LTBP2: variants seen among roughly 807,000 people sequenced by gnomAD.
The protein encoded by LTBP2 is latent transforming growth factor beta binding protein 2, also known as latent-transforming growth factor beta-binding protein 2.
Under a neutral mutation model 210.6 loss-of-function variants are expected in LTBP2, and 103 were observed. The ratio of observed to expected loss-of-function variants is 0.49; its 90% CI spans 0.42 to 0.58. LTBP2 has a LOEUF of 0.58. Among genes scored for constraint, LTBP2 ranks in the 20% least tolerant of loss-of-function variants. LTBP2 has a pLI of 0.00. For synonymous variants in LTBP2, 1,007 were observed against 1,015.0 expected (o/e 0.99, Z 0.15); for missense variants, 2,313 against 2,494.5 (o/e 0.93, Z 1.55).
chr14:74,560,557 G>A (rs28627652), intron 3 of LTBP2, among the ~76,000 whole-genome samples: 12,718 of 152,222 alleles, frequency 0.084, 674 homozygotes, highest in African/African-American at 0.16. Context: ...TCCCAACAGC[G>A]ATGGGAAGAC....
intron 28 of LTBP2, 76 bp from the exon 29 acceptor site, chr14:74,505,250 T>A: frequency 6.6e-7 from 1 of 1,505,426 alleles, no homozygotes; most frequent in Non-Finnish European, 9.1e-7. Context: ...CTTTATTTCT[T>A]AAATTTAACA....
chr14:74,531,024 C>T (rs2087343472), intron 10 of LTBP2, among the ~76,000 whole-genome samples: 1 of 152,230 alleles, frequency 6.6e-6, no homozygotes, highest in African/African-American at 2.4e-5. Context: ...GCAAACTCTG[C>T]TTCTAGCAGC....
At position 74,503,548 on chromosome 14, in the gene LTBP2, G is replaced by A. The variant is rs1035123987; in HGVS notation, c.4641C>T (p.Gly1547=). The part of the protein sequence containing the change: ...CENGECVNTE[G]SFHCFCSPPL... Reference sequence around the variant, plus strand: ...GGGGGCTGCAGAAGCAGTGGAAGGAGCCCTCCGTGTTGACGCACTCGCCAT... The same window carrying A: ...GGGGGCTGCAGAAGCAGTGGAAGGAACCCTCCGTGTTGACGCACTCGCCAT... Residue 1547 remains glycine, a synonymous_variant, in exon 32 of 36, where the codon GGC becomes GGT. Coordinates refer to ENST00000261978, the MANE Select transcript of LTBP2 (RefSeq NM_000428.3). The A allele has an allele frequency of 2.5e-6, 4 of 1,613,844 alleles. No homozygotes were observed. Among genetic ancestry groups the A allele is most frequent in the South Asian group, 2.2e-5 (2 of 91,036 alleles).
intron 3 of LTBP2, among the ~76,000 whole-genome samples, chr14:74,565,747 G>A (rs1156470204): frequency 6.6e-6 from 1 of 152,116 alleles, no homozygotes; most frequent in Non-Finnish European, 1.5e-5. Context: ...GAGTTAAGAG[G>A]GAAGGATGAT....
At position 74,555,613 on chromosome 14, in the gene LTBP2, G is replaced by A. The variant is rs774583471; in HGVS notation, c.911C>T (p.Ala304Val). The change falls in exon 4 of 36, where the codon GCC becomes GTC. Residue 304 changes from alanine (A) to valine (V), a missense_variant. Transcript: ENST00000261978. Reference protein sequence around the residue: ...LSRTVRLHPTATASSQLSSNA... With the variant: ...LSRTVRLHPTVTASSQLSSNA... The stretch of plus-strand genomic sequence containing the variant: ...GGAAGAGAGCTGGCTACTGGCCGTG[G>A]CAGTCGGGTGAAGTCGGACAGTGCG... 3.7e-6 allele frequency: 6 copies of A among 1,609,810 alleles called. No individual in the cohort carries two copies. Among genetic ancestry groups the A allele is most frequent in the Non-Finnish European group, 4.2e-6 (5 of 1,177,404 alleles).
intron 31 of LTBP2, 52 bp from the exon 32 acceptor site, chr14:74,503,658 C>G (rs374280091): frequency 1.9e-6 from 3 of 1,606,958 alleles, no homozygotes; most frequent in Admixed American, 3.3e-5. Flanking sequence ...TTCCACCAAC[C>G]ACCCTCAGGG....
At chr14:74,515,212 G>A (rs2087119639) in intron 18 of LTBP2, among the ~76,000 whole-genome samples, 1 of 151,450 alleles carries the variant, frequency 6.6e-6, no homozygotes, top group South Asian at 2.1e-4. Flanking sequence ...GTCTGCACCA[G>A]AGCCTGTGCC....
At chr14:74,597,093 C>T (rs1227424725) in intron 2 of LTBP2, among the ~76,000 whole-genome samples, 1 of 152,268 alleles carries the variant, frequency 6.6e-6, no homozygotes, top group East Asian at 1.9e-4. Context: ...CCTGGGAAAC[C>T]CACAGTTTAG....
intron 1 of LTBP2, among the ~76,000 whole-genome samples, chr14:74,609,266 A>G (rs1280975963): frequency 6.6e-6 from 1 of 152,180 alleles, no homozygotes; most frequent in East Asian, 1.9e-4. Flanking sequence ...GCAGAAGACA[A>G]TGTGGGGGAG....
Position 74,560,585 on chromosome 14 carries a change from T to G in LTBP2, c.831-4892A>C, listed in dbSNP as rs368757109. ...GGGAAGACAAGTGGGCGAGGAGCTC[T>G]GTGCCCTCTACCCCATTCACCCTCA... On this transcript the variant is annotated intron_variant, in intron 3 of 35. Coordinates refer to ENST00000261978, the MANE Select transcript of LTBP2 (RefSeq NM_000428.3). Among the ~76,000 whole-genome samples the G allele has an allele frequency of 2.2e-4, 34 of 152,370 alleles. No individual in the cohort carries two copies. The South Asian group carries it at 7.0e-3, about 32-fold the overall frequency.
intron 9 of LTBP2, among the ~76,000 whole-genome samples, chr14:74,534,194 C>A (rs1262939652): frequency 6.6e-6 from 1 of 152,198 alleles, no homozygotes; most frequent in African/African-American, 2.4e-5. Context: ...ATACCCAAAT[C>A]TGACTTGCTT....
chr14:74,536,491 T>C (rs748307124), intron 8 of LTBP2, among the ~76,000 whole-genome samples: 1 of 152,232 alleles, frequency 6.6e-6, no homozygotes, highest in Non-Finnish European at 1.5e-5. Flanking sequence ...AAAATAAATA[T>C]ATGAGGTAAT....
chr14:74,608,429 C>T (rs2088557702), intron 1 of LTBP2, among the ~76,000 whole-genome samples: 1 of 151,706 alleles, frequency 6.6e-6, no homozygotes, highest in Non-Finnish European at 1.5e-5. Flanking sequence ...CCTATAGAGG[C>T]CAGGCGTGGT....
chr14:74,596,265 AAATT>A (rs371319145), intron 2 of LTBP2, among the ~76,000 whole-genome samples: 14 of 141,378 alleles, frequency 9.9e-5, no homozygotes, highest in African/African-American at 3.3e-4. Context: ...AAATAAATAA[AAATT>A]AAAAACAAAG....
chr14:74,579,134 G>A (rs187585254), intron 3 of LTBP2, among the ~76,000 whole-genome samples: 56 of 152,344 alleles, frequency 3.7e-4, no homozygotes, highest in African/African-American at 1.3e-3. Flanking sequence ...TGGGATTACA[G>A]GTGTGAGCCA....
chr14:74,508,189 G>A, intron 24 of LTBP2, 94 bp from the exon 25 acceptor site: 1 of 1,467,396 alleles, frequency 6.8e-7, no homozygotes, highest in South Asian at 1.2e-5. Context: ...TAGCCCATAG[G>A]AGAGTCAGGG....
Position 74,502,673 on chromosome 14 carries a change from T to C in LTBP2, c.5150A>G (p.His1717Arg). Residue 1717 changes from histidine to arginine, a missense_variant, in exon 34 of 36, where the codon CAC (histidine) becomes CGC (arginine). Transcript: ENST00000261978. The part of the protein sequence containing the change: ...SPLQPSELQP[H>R]YVASHPEPPA... ...CAGACCTGGATGGCTGGCCACGTAG[T>C]GGGGCTGGAGTTCTGAGGGCTGCAA... is the stretch of plus-strand genomic sequence containing the variant. 3 of 1,614,036 alleles carry C rather than the reference T, an allele frequency of 1.9e-6. No individual in the cohort carries two copies. The highest frequency in any genetic ancestry group is 1.7e-6 in the Non-Finnish European group (2 of 1,179,994).
intron 3 of LTBP2, among the ~76,000 whole-genome samples, chr14:74,575,646 C>A (rs1227232932): frequency 6.6e-6 from 1 of 152,212 alleles, no homozygotes. Flanking sequence ...CAGGGATGCA[C>A]TGGGGCTGGC....
Position 74,507,453 on chromosome 14 carries a change from A to C in LTBP2, c.3776-143T>G, listed in dbSNP as rs2087006539. On this transcript the variant is annotated intron_variant, in intron 25 of 35. Coordinates refer to ENST00000261978, the MANE Select transcript of LTBP2 (RefSeq NM_000428.3). ...ATCCCAACCCCAGCACATCAAGGTC[A>C]GGACGATTTCCCCTGACCCTGCAGG... is the stretch of plus-strand genomic sequence containing the variant. The C allele has an allele frequency of 2.6e-6, 3 of 1,170,734 alleles. No homozygotes were observed. The African/African-American group carries it at 4.5e-5, about 18-fold the overall frequency. The allele number at this position is 1,170,734 out of a possible 1,614,324, so 72.5% of individuals were successfully genotyped here. A position where few individuals can be genotyped will look rare whatever the true frequency, so the allele number is the denominator to read the frequency against.
Sources: allele counts gnomAD v4.1 joint callset (sites outside exome capture counted in the v4.1 genomes callset), GRCh38; gene constraint gnomAD v4.1.1; transcripts MANE v1.5; gene names NCBI Gene and HGNC (gene_info 2026-07-23, HGNC 2026-07-21).